Variants in NXPE2 observed in about 807,000 individuals in gnomAD.
NXPE2 encodes neurexophilin and PC-esterase domain family member 2.
In NXPE2, 34 loss-of-function variants were observed where a neutral mutation model predicts 34.4. That is an observed-to-expected ratio of 0.99 (90% CI 0.75 to 1.31). The LOEUF (loss-of-function observed/expected upper bound fraction) is 1.31, where lower values mean the gene tolerates loss of function less well. NXPE2 is among the 40% of genes most tolerant of loss of function. The probability of loss-of-function intolerance (pLI) is 0.00; values close to 1 mark genes in which losing one functional copy is unlikely to be tolerated. For missense variants in NXPE2, 649 were observed against 672.5 expected (o/e 0.97, Z 0.39); for synonymous variants, 235 against 231.3 (o/e 1.02, Z -0.15).
the NXPE2 span, among the ~76,000 whole-genome samples, chr11:114,632,177 A>G: frequency 7.1e-6 from 1 of 141,160 alleles, no homozygotes; most frequent in African/African-American, 2.6e-5. Flanking sequence ...CATATAATAT[A>G]TAATAAATAA....
At chr11:114,774,045 G>A in the NXPE2 span, among the ~76,000 whole-genome samples, 19 of 152,328 alleles carry the variant, frequency 1.2e-4, no homozygotes, top group South Asian at 3.9e-3. Flanking sequence ...GGCAGGTAAT[G>A]CCTCTACTGC....
the NXPE2 span, chr11:114,582,488 AT>A: frequency 2.0e-5 from 32 of 1,614,146 alleles, no homozygotes; most frequent in Non-Finnish European, 2.6e-5. Context: ...GGGAAGTGCC[AT>A]TGACAAACTG....
the NXPE2 span, among the ~76,000 whole-genome samples, chr11:114,532,169 A>T: frequency 1.3e-5 from 2 of 152,236 alleles, no homozygotes; most frequent in Admixed American, 1.3e-4. Flanking sequence ...TGTGATTGGT[A>T]ACAAACTGGC....
At chr11:114,666,265 C>T in the NXPE2 span, among the ~76,000 whole-genome samples, 1 of 152,132 alleles carries the variant, frequency 6.6e-6, no homozygotes, top group African/African-American at 2.4e-5. Flanking sequence ...TTCCTGGGCT[C>T]ACAGCAGCAT....
intron 2 of NXPE2, among the ~76,000 whole-genome samples, chr11:114,686,702 T>C (rs758118725): frequency 4.6e-5 from 7 of 152,150 alleles, no homozygotes; most frequent in Non-Finnish European, 7.4e-5. Context: ...AAACTGCTTT[T>C]CACAATGCCT....
At chr11:114,486,131 T>A in the NXPE2 span, among the ~76,000 whole-genome samples, 1 of 152,212 alleles carries the variant, frequency 6.6e-6, no homozygotes, top group Non-Finnish European at 1.5e-5. Context: ...GGGTTCCTTT[T>A]TCTCCACATT....
At chr11:114,709,102 A>C (rs1454685359), downstream of NXPE2, among the ~76,000 whole-genome samples, 1 of 152,246 alleles carries the variant, frequency 6.6e-6, no homozygotes, top group Non-Finnish European at 1.5e-5. Flanking sequence ...CACAGTAGCC[A>C]TTAGTTGCAT....
At chr11:114,634,314 G>T in the NXPE2 span, among the ~76,000 whole-genome samples, 2 of 151,984 alleles carry the variant, frequency 1.3e-5, no homozygotes, top group African/African-American at 4.8e-5. Context: ...AGAGTTGTTT[G>T]TTATTTTCTT....
At chr11:114,597,793 A>G in the NXPE2 span, among the ~76,000 whole-genome samples, 2 of 152,188 alleles carry the variant, frequency 1.3e-5, no homozygotes, top group African/African-American at 2.4e-5. Context: ...AGAGCTCCTG[A>G]TGACCAAAGT....
At chr11:114,753,398 A>G in the NXPE2 span, among the ~76,000 whole-genome samples, 1 of 152,232 alleles carries the variant, frequency 6.6e-6, no homozygotes. Flanking sequence ...GTCTTAGAAA[A>G]AAAAATGAAG....
chr11:114,808,871 C>G, the NXPE2 span, among the ~76,000 whole-genome samples: 1 of 152,128 alleles, frequency 6.6e-6, no homozygotes, highest in East Asian at 1.9e-4. Flanking sequence ...GATACCAAAG[C>G]CTGGCAGAGA....
chr11:114,586,679 C>G, the NXPE2 span, among the ~76,000 whole-genome samples: 1 of 152,036 alleles, frequency 6.6e-6, no homozygotes. Context: ...AGGGAGACAC[C>G]CTGGTGTTAC....
the NXPE2 span, among the ~76,000 whole-genome samples, chr11:114,547,177 G>A: frequency 6.6e-6 from 1 of 152,134 alleles, no homozygotes; most frequent in Non-Finnish European, 1.5e-5. Context: ...GGAGAAACCT[G>A]ATGAACATCA....
chr11:114,781,447 G>T, the NXPE2 span, among the ~76,000 whole-genome samples: 4 of 152,222 alleles, frequency 2.6e-5, no homozygotes, highest in Admixed American at 2.0e-4. Flanking sequence ...ATGGGATTTA[G>T]ACAGGGATGG....
At chr11:114,557,672 T>A in the NXPE2 span, among the ~76,000 whole-genome samples, 2 of 122,292 alleles carry the variant, frequency 1.6e-5, no homozygotes. Context: ...TATATATATA[T>A]AAAATCCTTG....
chr11:114,555,906 T>C, the NXPE2 span, among the ~76,000 whole-genome samples: 1 of 152,214 alleles, frequency 6.6e-6, no homozygotes, highest in African/African-American at 2.4e-5. Flanking sequence ...CTATTCCTCA[T>C]TTGATAAATA....
At chr11:114,580,173 G>A in the NXPE2 span, 63 of 1,613,878 alleles carry the variant, frequency 3.9e-5, no homozygotes, top group Admixed American at 3.0e-4. Context: ...CTGGCGGATC[G>A]TGGAATCTCC....
chr11:114,749,542 G>T, the NXPE2 span, among the ~76,000 whole-genome samples: 1,494 of 152,308 alleles, frequency 9.8e-3, 24 homozygotes, highest in African/African-American at 0.034. Context: ...CAGAAAAGGA[G>T]GGCCAACTGT....
At chr11:114,625,219 G>A in the NXPE2 span, among the ~76,000 whole-genome samples, 4 of 152,192 alleles carry the variant, frequency 2.6e-5, no homozygotes, top group South Asian at 8.3e-4. Flanking sequence ...ACTGTTACCT[G>A]TTGGATAATA....
Sources: gnomAD v4.1 joint callset for allele counts (sites outside exome capture counted in the v4.1 genomes callset) on GRCh38, gnomAD v4.1.1 for gene constraint, MANE v1.5 for transcripts, NCBI Gene and HGNC (gene_info 2026-07-23, HGNC 2026-07-21) for gene names.